Variants in TNFRSF8 observed in about 807,000 individuals in gnomAD.
TNFRSF8 encodes TNF receptor superfamily member 8.
Under a neutral mutation model 70.8 loss-of-function variants are expected in TNFRSF8, and 26 were observed. The ratio of observed to expected loss-of-function variants is 0.37; its 90% CI spans 0.27 to 0.51. The LOEUF (loss-of-function observed/expected upper bound fraction) is 0.51, where lower values mean the gene tolerates loss of function less well. TNFRSF8 is among the 20% of genes least tolerant of loss of function. The pLI, the probability that TNFRSF8 is intolerant of heterozygous loss-of-function variation, is 0.94. For synonymous variants in TNFRSF8, 356 were observed against 339.2 expected, an observed-to-expected ratio of 1.05 and a Z score of -0.54; for missense variants, 720 against 807.9, an observed-to-expected ratio of 0.89 and a Z score of 1.32.
intron 1 of TNFRSF8, among the ~76,000 whole-genome samples, chr1:12,070,781 G>A (rs1640828231): frequency 6.6e-6 from 1 of 152,192 alleles, no homozygotes; most frequent in Non-Finnish European, 1.5e-5. Flanking sequence ...ACAAGCAAAG[G>A]ATAGAACAGG....
intron 12 of TNFRSF8, among the ~76,000 whole-genome samples, chr1:12,130,612 A>G (rs777152822): frequency 1.1e-4 from 16 of 152,236 alleles, no homozygotes; most frequent in African/African-American, 1.4e-4. Context: ...GGGGACTAAA[A>G]GTGGAGAATA....
At chr1:12,087,251 T>C (rs1487458752) in intron 2 of TNFRSF8, among the ~76,000 whole-genome samples, 2 of 144,710 alleles carry the variant, frequency 1.4e-5, no homozygotes, top group East Asian at 4.1e-4. Flanking sequence ...CACTGGAACC[T>C]CCGCCTCCTA....
intron 3 of TNFRSF8, among the ~76,000 whole-genome samples, chr1:12,102,998 T>G (rs1641450813): frequency 6.6e-6 from 1 of 152,244 alleles, no homozygotes; most frequent in African/African-American, 2.4e-5. Context: ...ATTTTTCATG[T>G]GTTTATTGGC....
At chr1:12,103,048 C>T (rs551406594) in intron 3 of TNFRSF8, among the ~76,000 whole-genome samples, 35 of 152,128 alleles carry the variant, frequency 2.3e-4, no homozygotes, top group African/African-American at 8.2e-4. Context: ...TATTCCAGTC[C>T]TTTGTCCATT....
At chr1:12,126,159 G>C in intron 11 of TNFRSF8, 24 bp from the exon 12 acceptor site, 1 of 1,614,096 alleles carries the variant, frequency 6.2e-7, no homozygotes, top group Non-Finnish European at 8.5e-7. Flanking sequence ...GCCACCCCCA[G>C]CCTTCCTCCT....
intron 2 of TNFRSF8, among the ~76,000 whole-genome samples, chr1:12,094,742 C>T (rs1304336544): frequency 6.6e-6 from 1 of 151,730 alleles, no homozygotes; most frequent in Non-Finnish European, 1.5e-5. Context: ...TCTCCTGCCT[C>T]AGCCTCCTGA....
In TNFRSF8 at chr1:12,108,885, G is replaced by A. The variant is rs1415331173; in HGVS notation, c.422-681G>A. 6.6e-6 allele frequency among the ~76,000 whole-genome samples: 1 copy of A among 152,140 alleles called. No homozygotes were observed. The highest frequency in any genetic ancestry group is 1.9e-4 in the East Asian group (1 of 5,192). Reference sequence around the variant, plus strand: ...TAGGACATAGCAGGCAAACTGAGGGGCACTGGCTAGACGATGTGTGTGTTT... The same window carrying A: ...TAGGACATAGCAGGCAAACTGAGGGACACTGGCTAGACGATGTGTGTGTTT... On this transcript the variant is annotated intron_variant, in intron 4 of 14. Transcript: ENST00000263932. This position sits in a 1 kb window ranked among gnomAD's most constrained non-coding sequence, Gnocchi z 4.0.
At chr1:12,080,343 T>C (rs1365227851) in intron 1 of TNFRSF8, 6 of 524,052 alleles carry the variant, frequency 1.1e-5, no homozygotes, top group Non-Finnish European at 1.1e-5. Flanking sequence ...CGAATCAGGG[T>C]GCTGACCTTG....
Position 12,112,699 on chromosome 1 carries a change from G to A in TNFRSF8, c.793+685G>A, listed in dbSNP as rs58307415. Among the ~76,000 whole-genome samples the A allele has an allele frequency of 3.0e-4, 45 of 152,260 alleles. No individual in the cohort carries two copies. The highest frequency in any genetic ancestry group is 9.6e-4 in the African/African-American group (40 of 41,540). On this transcript the variant is annotated intron_variant, in intron 7 of 14. Transcript: ENST00000263932. This position sits in a 1 kb window ranked among gnomAD's most constrained non-coding sequence, Gnocchi z 5.3. The stretch of plus-strand genomic sequence containing the variant: ...GCATGAGCCACCATGCCCGGCCTGC[G>A]AGCTGTTTTGACAAGCACTTACTGA...
chr1:12,121,433 G>A (rs1195952396), intron 8 of TNFRSF8, among the ~76,000 whole-genome samples: 2 of 152,278 alleles, frequency 1.3e-5, no homozygotes, highest in African/African-American at 2.4e-5. Flanking sequence ...GGCTCTGGGG[G>A]TGGAGAGGTG....
intron 1 of TNFRSF8, among the ~76,000 whole-genome samples, chr1:12,083,399 C>T (rs780585940): frequency 1.1e-4 from 16 of 152,202 alleles, no homozygotes; most frequent in Non-Finnish European, 1.3e-4. Context: ...GAATGTCTAT[C>T]GAGAGCAGGC....
At chr1:12,107,417 T>TA (rs1194442803) in intron 4 of TNFRSF8, among the ~76,000 whole-genome samples, 4 of 151,506 alleles carry the variant, frequency 2.6e-5, no homozygotes, top group African/African-American at 4.8e-5. Context: ...CGATAAAAAA[T>TA]AAAAAAAATG....
rs375533712 is a variant in TNFRSF8 at position 12,086,781 on chromosome 1, A to G, written c.151+2230A>G. On this transcript the variant is annotated intron_variant, in intron 2 of 14. Transcript: ENST00000263932. Reference sequence around the variant, plus strand: ...CAGTCTTCTCATGGTGGGAAGATCGATCTCTCTCTCTCTTTCTCTCTCTTT... The same window carrying G: ...CAGTCTTCTCATGGTGGGAAGATCGGTCTCTCTCTCTCTTTCTCTCTCTTT... Among the ~76,000 whole-genome samples the G allele has an allele frequency of 3.6e-4, 54 of 151,142 alleles. No individual in the cohort carries two copies. The South Asian group carries it at 0.011, about 31-fold the overall frequency.
At chr1:12,139,338 T>C (rs1642213355) in intron 14 of TNFRSF8, among the ~76,000 whole-genome samples, 1 of 152,158 alleles carries the variant, frequency 6.6e-6, no homozygotes, top group Non-Finnish European at 1.5e-5. Context: ...CAGACCCCTC[T>C]GTCACTTCTG....
At chr1:12,072,291 C>T (rs1321882211) in intron 1 of TNFRSF8, among the ~76,000 whole-genome samples, 1 of 152,148 alleles carries the variant, frequency 6.6e-6, no homozygotes, top group Non-Finnish European at 1.5e-5. Context: ...TGGATACAGC[C>T]ATGGAGATGA....
At chr1:12,095,675 G>T (rs1306875370) in intron 2 of TNFRSF8, among the ~76,000 whole-genome samples, 1 of 152,180 alleles carries the variant, frequency 6.6e-6, no homozygotes, top group South Asian at 2.1e-4. Flanking sequence ...TTTTATTCAT[G>T]AATTCATGAT....
rs1173788480 is a variant in TNFRSF8, at chr1:12,108,383, C to T, written c.422-1183C>T. 4.6e-5 allele frequency among the ~76,000 whole-genome samples: 7 copies of T among 151,952 alleles called. No individual in the cohort carries two copies. In the East Asian group the frequency reaches 5.8e-4, roughly 13 times the overall value. On this transcript the variant is annotated intron_variant, in intron 4 of 14. Coordinates refer to ENST00000263932, the MANE Select transcript of TNFRSF8 (RefSeq NM_001243.5). The surrounding 1 kb of genome is among the most constrained non-coding windows in gnomAD (Gnocchi z 4.0). ...GTGAGCCACCGTGCCTGGCGACATA[C>T]GGGTCACCTTCTAAGTGTTGGGATG...
Position 12,115,546 on chromosome 1 carries a change from T to C in TNFRSF8, c.794-31T>C, listed in dbSNP as rs200165570. The C allele has an allele frequency of 2.1e-4, 338 of 1,614,004 alleles. 3 individuals carry two copies. The highest frequency in any genetic ancestry group is 3.1e-5 in the Non-Finnish European group (37 of 1,179,974). Reference sequence around the variant, plus strand: ...ACCCCCTGCCCTTGCCATACTGATCTTTCTCCGTGATCCTCATCTGTGTCC... The same window carrying C: ...ACCCCCTGCCCTTGCCATACTGATCCTTCTCCGTGATCCTCATCTGTGTCC... On this transcript the variant is annotated intron_variant, in intron 7 of 14. Coordinates refer to ENST00000263932, the MANE Select transcript of TNFRSF8 (RefSeq NM_001243.5).
intron 1 of TNFRSF8, among the ~76,000 whole-genome samples, chr1:12,069,199 A>ATTTT (rs1640795874): frequency 3.3e-5 from 1 of 30,280 alleles, no homozygotes; most frequent in Admixed American, 4.2e-4. Context: ...TTTTTTTTTG[A>ATTTT]TGGAGTTTCG....
Sources: gnomAD v4.1 joint callset for allele counts (sites outside exome capture counted in the v4.1 genomes callset) on GRCh38, gnomAD v4.1.1 for gene constraint, Gnocchi (gnomAD v3.1) non-coding constraint, MANE v1.5 for transcripts, NCBI Gene and HGNC (gene_info 2026-07-23, HGNC 2026-07-21) for gene names.